Variants in RYR2 observed in about 807,000 individuals in gnomAD.
The protein encoded by RYR2 is cardiac muscle ryanodine receptor-calcium release channel.
In RYR2, 227 loss-of-function variants were observed where a neutral mutation model predicts 601.1. The ratio of observed to expected loss-of-function variants is 0.38; its 90% confidence interval spans 0.34 to 0.42. The LOEUF (loss-of-function observed/expected upper bound fraction) is 0.42. Ranked by LOEUF, RYR2 falls within the 10% of genes least tolerant of loss-of-function variation. The pLI is 1.00. For missense variants in RYR2, 4,646 were observed against 6,156.5 expected (o/e 0.75, Z 8.21); for synonymous variants, 2,223 against 2,175.1 (o/e 1.02, Z -0.61).
chr1:237,673,632 A>T (rs1335564047), intron 58 of RYR2, among the ~76,000 whole-genome samples: 1 of 152,168 alleles, frequency 6.6e-6, no homozygotes, highest in Non-Finnish European at 1.5e-5. Flanking sequence ...CTGATCTGAG[A>T]GATATAATAC....
chr1:237,548,515 C>CA lies in RYR2; in HGVS notation c.2993dup (p.Leu999ValfsTer7), dbSNP rs1335028310. The CA allele has an allele frequency of 6.2e-7, 1 of 1,613,968 alleles. No homozygotes were observed. On this transcript the variant is annotated frameshift_variant, in exon 26 of 105. Transcript: ENST00000366574. LOFTEE classifies it high-confidence loss of function. ...CCCCATCACAAGAAGCAATGGTGGACAAGTTGGCAGAAAATGCACATAATG... is the reference window on the plus strand; with the variant it reads ...CCCCATCACAAGAAGCAATGGTGGACAAAGTTGGCAGAAAATGCACATAATG...
intron 1 of RYR2, among the ~76,000 whole-genome samples, chr1:237,073,049 G>A (rs910476829): frequency 2.0e-5 from 3 of 151,512 alleles, no homozygotes; most frequent in African/African-American, 4.8e-5. Flanking sequence ...TCGCCCCACC[G>A]CACGCTGAAC....
chr1:237,800,147 T>G (rs904147983), intron 97 of RYR2: 3 of 152,106 alleles, frequency 2.0e-5, no homozygotes, highest in African/African-American at 7.2e-5. Context: ...GGAAAATAAC[T>G]CATAAGAATA....
At chr1:237,165,460 G>C (rs886087668) in intron 1 of RYR2, among the ~76,000 whole-genome samples, 4 of 152,144 alleles carry the variant, frequency 2.6e-5, no homozygotes, top group African/African-American at 9.7e-5. Context: ...AAATTTTTGA[G>C]ACTGTCAAAA....
chr1:237,612,269 C>T (rs1677961220), intron 36 of RYR2, among the ~76,000 whole-genome samples: 1 of 152,006 alleles, frequency 6.6e-6, no homozygotes, highest in Non-Finnish European at 1.5e-5. Flanking sequence ...TAGTAGTTAC[C>T]TAGGGCTAGG....
At chr1:237,308,314 G>A (rs1245656652) in intron 2 of RYR2, among the ~76,000 whole-genome samples, 1 of 152,158 alleles carries the variant, frequency 6.6e-6, no homozygotes, top group African/African-American at 2.4e-5. Context: ...ATTGTACCTA[G>A]GGTGGACACG....
chr1:237,085,106 C>T (rs183290517), intron 1 of RYR2, among the ~76,000 whole-genome samples: 2 of 152,170 alleles, frequency 1.3e-5, no homozygotes, highest in East Asian at 1.9e-4. Context: ...TAGCATGAGT[C>T]GTGAAATTTG....
chr1:237,773,625 A>C lies in RYR2; in HGVS notation c.11752A>C (p.Asn3918His). ...KAIQVAKQVFNTLTEYIQGPC... is the reference protein window; with the variant it reads ...KAIQVAKQVFHTLTEYIQGPC... ...TATCCAAGTGGCAAAACAAGTCTTT[A>C]ACACTCTTACAGAGTATATTCAGGT... is the stretch of plus-strand genomic sequence containing the variant. The change falls in exon 87 of 105, where the codon AAC becomes CAC. Residue 3918 changes from asparagine to histidine, a missense_variant. Physicochemically the swap from Asn to His is moderately conservative, Grantham distance 68. Coordinates refer to ENST00000366574, the MANE Select transcript of RYR2 (RefSeq NM_001035.3). 6.2e-7 allele frequency: 1 copy of C among 1,611,914 alleles called. No individual in the cohort carries two copies. The highest frequency in any genetic ancestry group is 8.5e-7 in the Non-Finnish European group (1 of 1,178,486).
At chr1:237,786,726 G>A (rs927561413) in intron 91 of RYR2, among the ~76,000 whole-genome samples, 1 of 152,274 alleles carries the variant, frequency 6.6e-6, no homozygotes, top group Non-Finnish European at 1.5e-5. Flanking sequence ...AATTTTATAC[G>A]CACATTTGAA....
chr1:237,168,192 G>GCC (rs1676928705), intron 1 of RYR2, among the ~76,000 whole-genome samples: 1 of 152,102 alleles, frequency 6.6e-6, no homozygotes, highest in Non-Finnish European at 1.5e-5. Flanking sequence ...GTAGAGTGGA[G>GCC]GACAAATGTT....
At chr1:237,203,228 T>C (rs1203067755) in intron 1 of RYR2, among the ~76,000 whole-genome samples, 9 of 152,216 alleles carry the variant, frequency 5.9e-5, no homozygotes, top group East Asian at 1.9e-4. Flanking sequence ...TCACATGTTA[T>C]CAGGTTGTTT....
intron 1 of RYR2, among the ~76,000 whole-genome samples, chr1:237,245,419 A>G (rs551433906): frequency 6.6e-6 from 1 of 152,250 alleles, no homozygotes; most frequent in Admixed American, 6.5e-5. Context: ...AAATAAATTC[A>G]GCTGTAAGTT....
chr1:237,779,295 T>C (rs1021278456), intron 88 of RYR2, among the ~76,000 whole-genome samples: 28 of 152,220 alleles, frequency 1.8e-4, no homozygotes, highest in African/African-American at 6.3e-4. Context: ...ACAGATTTTC[T>C]ACCATGTTTA....
chr1:237,705,178 G>A (rs1688268239), intron 66 of RYR2, 35 bp from the exon 67 acceptor site: 1 of 1,585,774 alleles, frequency 6.3e-7, no homozygotes, highest in South Asian at 1.1e-5. Flanking sequence ...TACTCACTTG[G>A]AAGACCTTAA....
intron 1 of RYR2, among the ~76,000 whole-genome samples, chr1:237,237,090 G>A (rs1355526564): frequency 2.0e-5 from 3 of 151,990 alleles, no homozygotes; most frequent in African/African-American, 7.2e-5. Flanking sequence ...CTCTCCTGCC[G>A]CCATGTAAGA....
intron 2 of RYR2, among the ~76,000 whole-genome samples, chr1:237,288,259 G>A (rs550361855): frequency 6.6e-6 from 1 of 152,304 alleles, no homozygotes; most frequent in South Asian, 2.1e-4. Context: ...TGCTTTGGTG[G>A]CTGAATGCTC....
At chr1:237,388,249 T>C (rs543404948) in intron 10 of RYR2, 66 bp downstream of exon 10, 1 of 1,317,830 alleles carries the variant, frequency 7.6e-7, no homozygotes, top group Admixed American at 1.9e-5. Flanking sequence ...TTTTAAAAAC[T>C]AGGGATCTAT....
chr1:237,168,654 AG>A (rs1384865093), intron 1 of RYR2, among the ~76,000 whole-genome samples: 13 of 151,844 alleles, frequency 8.6e-5, no homozygotes, highest in African/African-American at 3.1e-4. Flanking sequence ...TCTTTTGGGG[AG>A]GGGGAAGGAA....
intron 93 of RYR2, 64 bp from the exon 94 acceptor site, chr1:237,792,041 T>A: frequency 8.5e-7 from 1 of 1,179,660 alleles, no homozygotes; most frequent in East Asian, 2.6e-5. Flanking sequence ...ATTTCTTTTG[T>A]CTTTTGCTTG....
Sources: allele counts gnomAD v4.1 joint callset (sites outside exome capture counted in the v4.1 genomes callset), GRCh38; gene constraint gnomAD v4.1.1; transcripts MANE v1.5; gene names NCBI Gene and HGNC (gene_info 2026-07-23, HGNC 2026-07-21).